The following SLC20A2 variants were observed in gnomAD, a reference collection of about 807,000 sequenced individuals.
SLC20A2 encodes the protein sodium-dependent phosphate transporter 2.
SLC20A2 carries 30 observed loss-of-function variants against 61.0 expected under a neutral mutation model. The ratio of observed to expected loss-of-function variants is 0.49; its 90% CI spans 0.37 to 0.67. SLC20A2 has a LOEUF of 0.67. SLC20A2 is among the 30% of genes least tolerant of loss of function. SLC20A2 has a pLI of 0.00. For synonymous variants in SLC20A2, 351 were observed against 353.3 expected, an observed-to-expected ratio of 0.99 and a Z score of 0.07; for missense variants, 626 against 866.4, an observed-to-expected ratio of 0.72 and a Z score of 3.48.
intron 10 of SLC20A2, among the ~76,000 whole-genome samples, chr8:42,425,241 A>G (rs562162872): frequency 3.9e-5 from 6 of 152,194 alleles, no homozygotes; most frequent in Non-Finnish European, 8.8e-5. Context: ...AATCAAACAC[A>G]GGATAATTAT....
At chr8:42,511,976 T>G (rs2131376024) in intron 1 of SLC20A2, among the ~76,000 whole-genome samples, 1 of 152,250 alleles carries the variant, frequency 6.6e-6, no homozygotes, top group East Asian at 1.9e-4. Context: ...GAGACCATTC[T>G]GAGAAATACC....
intron 1 of SLC20A2, among the ~76,000 whole-genome samples, chr8:42,496,323 C>A (rs1268786038): frequency 2.0e-5 from 3 of 152,194 alleles, no homozygotes; most frequent in Non-Finnish European, 4.4e-5. Context: ...ACACTCTCAG[C>A]AGCCTGTGTT....
At chr8:42,492,174 G>A (rs1286689123) in intron 1 of SLC20A2, among the ~76,000 whole-genome samples, 1 of 152,176 alleles carries the variant, frequency 6.6e-6, no homozygotes, top group African/African-American at 2.4e-5. Context: ...GGCCAACATG[G>A]TGAAACCCTG....
chr8:42,515,359 G>C (rs1811266177), intron 1 of SLC20A2, among the ~76,000 whole-genome samples: 1 of 152,104 alleles, frequency 6.6e-6, no homozygotes, highest in African/African-American at 2.4e-5. Flanking sequence ...ATTAGTTTTA[G>C]ACATGCTGTG....
intron 1 of SLC20A2, among the ~76,000 whole-genome samples, chr8:42,511,579 A>G (rs1811035321): frequency 6.6e-6 from 1 of 151,714 alleles, no homozygotes; most frequent in Non-Finnish European, 1.5e-5. Flanking sequence ...GTGAGCCAAG[A>G]TCGCGCCACT....
intron 1 of SLC20A2, among the ~76,000 whole-genome samples, chr8:42,514,888 A>G (rs1370527321): frequency 6.6e-6 from 1 of 152,180 alleles, no homozygotes; most frequent in Non-Finnish European, 1.5e-5. Context: ...CCTGGTGTAA[A>G]GGCAGTGATG....
At chr8:42,531,466 C>G (rs1812314153) in intron 1 of SLC20A2, among the ~76,000 whole-genome samples, 1 of 152,190 alleles carries the variant, frequency 6.6e-6, no homozygotes, top group African/African-American at 2.4e-5. Flanking sequence ...AAAAACTGCA[C>G]TCACATCAGT....
chr8:42,489,053 C>CCTCA (rs1809297466), intron 1 of SLC20A2, among the ~76,000 whole-genome samples: 1 of 151,106 alleles, frequency 6.6e-6, no homozygotes, highest in Non-Finnish European at 1.5e-5. Context: ...GATTCTCCTG[C>CCTCA]CTCAGCCTCC....
intron 10 of SLC20A2, among the ~76,000 whole-genome samples, chr8:42,427,758 C>T (rs1803520722): frequency 2.0e-5 from 3 of 152,134 alleles, no homozygotes; most frequent in South Asian, 4.1e-4. Context: ...AAGCCACTTG[C>T]CTTTGCTTGG....
chr8:42,530,862 C>T (rs556774186), intron 1 of SLC20A2, among the ~76,000 whole-genome samples: 66 of 152,182 alleles, frequency 4.3e-4, no homozygotes, highest in Non-Finnish European at 7.6e-4. Flanking sequence ...ATTACAGATG[C>T]CCGCCACCAC....
At chr8:42,478,667 C>T (rs1455957839) in intron 1 of SLC20A2, among the ~76,000 whole-genome samples, 5 of 152,052 alleles carry the variant, frequency 3.3e-5, no homozygotes, top group African/African-American at 4.8e-5. Context: ...TATTACTGCA[C>T]GTGTTGTCAA....
At chr8:42,483,744 C>G (rs1241111971) in intron 1 of SLC20A2, among the ~76,000 whole-genome samples, 1 of 152,190 alleles carries the variant, frequency 6.6e-6, no homozygotes. Flanking sequence ...ACATATGAAA[C>G]TTCTATCAAA....
At chr8:42,516,441 G>A (rs1218014692) in intron 1 of SLC20A2, among the ~76,000 whole-genome samples, 1 of 152,210 alleles carries the variant, frequency 6.6e-6, no homozygotes, top group African/African-American at 2.4e-5. Flanking sequence ...GCTCAGACTT[G>A]TCCATGGCTT....
intron 1 of SLC20A2, among the ~76,000 whole-genome samples, chr8:42,483,659 C>T (rs1324987809): frequency 2.6e-5 from 4 of 152,150 alleles, no homozygotes; most frequent in Non-Finnish European, 5.9e-5. Flanking sequence ...ATGGATTCCC[C>T]GCCCTCCCAG....
chr8:42,484,738 A>G (rs755415646), intron 1 of SLC20A2: 165 of 360,146 alleles, frequency 4.6e-4, no homozygotes, highest in Non-Finnish European at 6.8e-4. Context: ...ACCATGATCC[A>G]AGAGAGCCTG....
intron 1 of SLC20A2, among the ~76,000 whole-genome samples, chr8:42,514,604 A>G (rs192230363): frequency 3.3e-5 from 5 of 152,154 alleles, no homozygotes; most frequent in Admixed American, 3.3e-4. Context: ...CTAAAAATAC[A>G]AAAACTACCC....
intron 4 of SLC20A2, among the ~76,000 whole-genome samples, chr8:42,460,691 C>T (rs944145182): frequency 6.6e-6 from 1 of 152,178 alleles, no homozygotes; most frequent in African/African-American, 2.4e-5. Context: ...GTAAGTTCAA[C>T]ACGAATGGTA....
At chr8:42,461,731 C>T (rs1457856601) in intron 4 of SLC20A2, among the ~76,000 whole-genome samples, 2 of 152,120 alleles carry the variant, frequency 1.3e-5, no homozygotes, top group African/African-American at 4.8e-5. Context: ...TCTTGAAACT[C>T]ATTGACAGAC....
At chr8:42,504,718 G>A (rs992907056), upstream of SLC20A2, among the ~76,000 whole-genome samples, 5 of 151,150 alleles carry the variant, frequency 3.3e-5, no homozygotes, top group Non-Finnish European at 4.4e-5. Flanking sequence ...GGTGGCGCAC[G>A]CCTGTAGTCC....
Sources: gnomAD v4.1 joint callset for allele counts (sites outside exome capture counted in the v4.1 genomes callset) on GRCh38, gnomAD v4.1.1 for gene constraint, MANE v1.5 for transcripts, NCBI Gene and HGNC (gene_info 2026-07-23, HGNC 2026-07-21) for gene names.